Variants in OCIAD2 observed in about 807,000 individuals in gnomAD.
OCIAD2 encodes the protein OCIA domain containing 2, also known as OCIA domain-containing protein 2.
A neutral mutation model predicts 22.9 loss-of-function variants in OCIAD2; 29 were observed. That is an observed-to-expected ratio of 1.27 (90% CI 0.94 to 1.73). The LOEUF (loss-of-function observed/expected upper bound fraction) is 1.73, where lower values mean the gene tolerates loss of function less well. Among genes scored for constraint, OCIAD2 ranks in the 40% most tolerant of loss-of-function variants. The pLI is 0.00. For missense variants in OCIAD2, 189 were observed against 180.3 expected, an observed-to-expected ratio of 1.05 and a Z score of -0.28; for synonymous variants, 67 against 60.2, an observed-to-expected ratio of 1.11 and a Z score of -0.52.
At position 48,904,588 on chromosome 4, in the gene OCIAD2, T is replaced by G; in HGVS notation, c.-39A>C. ...TTGCTCTCCTTCCAGTTGTTTATCC[T>G]CTGCTTACTCCTTGACCCAGTGTCT... On this transcript the variant is annotated 5_prime_UTR_variant, in exon 2 of 7. Transcript: ENST00000508632. 8 of 1,575,160 alleles carry G rather than the reference T, an allele frequency of 5.1e-6. No homozygotes were observed. The highest frequency in any genetic ancestry group is 7.0e-6 in the Non-Finnish European group (8 of 1,144,810).
chr4:48,887,821 G>T (rs534875340), intron 6 of OCIAD2, among the ~76,000 whole-genome samples: 2 of 152,244 alleles, frequency 1.3e-5, no homozygotes, highest in Admixed American at 1.3e-4. Flanking sequence ...GGCAATGCGG[G>T]CTCTTTTTTG....
At chr4:48,902,508 G>A (rs1282480903) in intron 2 of OCIAD2, among the ~76,000 whole-genome samples, 2 of 152,212 alleles carry the variant, frequency 1.3e-5, no homozygotes, top group Non-Finnish European at 2.9e-5. Context: ...CACAGCAGCA[G>A]GAGAAGGAGT....
At position 48,899,762 on chromosome 4, in the gene OCIAD2, A is replaced by G; in HGVS notation, c.163+67T>C. 3 of 1,088,556 alleles carry G rather than the reference A, an allele frequency of 2.8e-6. No individual in the cohort carries two copies. In the South Asian group the frequency reaches 4.0e-5, roughly 15 times the overall value. The allele number at this position is 1,088,556 out of a possible 1,614,324, so 67.4% of individuals were successfully genotyped here. ...CAAAGTCTCTGCTCAAACGTAAGTC[A>G]TTACCACAATTCTAATATGATATTT... On this transcript the variant is annotated intron_variant, in intron 3 of 6. Transcript: ENST00000508632.
At chr4:48,893,983 G>A (rs778579717) in intron 5 of OCIAD2, 23 bp downstream of exon 5, 9 of 1,479,678 alleles carry the variant, frequency 6.1e-6, no homozygotes, top group South Asian at 2.9e-5. Context: ...CACTTGGCTT[G>A]CTTTTTTATT....
chr4:48,899,999 A>C, intron 2 of OCIAD2, 74 bp from the exon 3 acceptor site: 9 of 1,043,334 alleles, frequency 8.6e-6, no homozygotes, highest in Non-Finnish European at 1.3e-5. Context: ...ACAGAAGAGA[A>C]CAGGGAGGTC....
At chr4:48,904,659 T>C (rs1781490515) in intron 1 of OCIAD2, 48 bp from the exon 2 acceptor site, 11 of 1,035,736 alleles carry the variant, frequency 1.1e-5, no homozygotes, top group Admixed American at 1.8e-5. Context: ...AATGTTTGCA[T>C]CAAGCTTAAA....
rs1422837492 is a variant in OCIAD2, at chr4:48,901,093, C to CATT, written c.67-1171_67-1169dup. On this transcript the variant is annotated intron_variant, in intron 2 of 6. Coordinates refer to ENST00000508632, the MANE Select transcript of OCIAD2 (RefSeq NM_001014446.3). ...TTTCTATCCATTCTTGCAAAATGTT[C>CATT]ATTATTTTGGGTGAATGTATCTTTT... 2.0e-5 allele frequency among the ~76,000 whole-genome samples: 3 copies of CATT among 152,160 alleles called. No individual in the cohort carries two copies. In the East Asian group the frequency reaches 5.8e-4, roughly 29 times the overall value.
chr4:48,892,229 C>T (rs1242939267), intron 6 of OCIAD2, among the ~76,000 whole-genome samples: 1 of 152,186 alleles, frequency 6.6e-6, no homozygotes, highest in East Asian at 1.9e-4. Flanking sequence ...CTCATAAAAA[C>T]TATCTTGATC....
At chr4:48,886,969 T>C (rs985897465) in intron 6 of OCIAD2, among the ~76,000 whole-genome samples, 8 of 152,296 alleles carry the variant, frequency 5.3e-5, no homozygotes, top group African/African-American at 1.7e-4. Context: ...AGTGTAAAAG[T>C]GTTCCTATTT....
chr4:48,904,082 T>C (rs780514660), intron 2 of OCIAD2, among the ~76,000 whole-genome samples: 7 of 152,012 alleles, frequency 4.6e-5, no homozygotes, highest in Non-Finnish European at 1.0e-4. Context: ...CTGAAAAAAA[T>C]AAGATGACTG....
At chr4:48,906,165 C>G (rs953442284) in intron 1 of OCIAD2, among the ~76,000 whole-genome samples, 2 of 152,228 alleles carry the variant, frequency 1.3e-5, no homozygotes, top group African/African-American at 4.8e-5. Context: ...AGTCCTCAGT[C>G]TGCACCTAAA....
intron 2 of OCIAD2, among the ~76,000 whole-genome samples, chr4:48,900,376 C>T (rs1352561313): frequency 6.6e-6 from 1 of 152,204 alleles, no homozygotes. Context: ...GAGCATCACA[C>T]TCAGAGAACC....
At chr4:48,891,504 T>G (rs1474883484) in intron 6 of OCIAD2, among the ~76,000 whole-genome samples, 1 of 152,210 alleles carries the variant, frequency 6.6e-6, no homozygotes, top group Non-Finnish European at 1.5e-5. Flanking sequence ...TGGAAACTAG[T>G]TACTTCAGTC....
At chr4:48,893,802 C>T (rs929074357) in intron 5 of OCIAD2, 12 of 310,936 alleles carry the variant, frequency 3.9e-5, no homozygotes, top group Non-Finnish European at 5.8e-5. Flanking sequence ...ACATTCGTAT[C>T]TCCAGTTGCT....
chr4:48,886,897 A>T (rs999005636), intron 6 of OCIAD2, among the ~76,000 whole-genome samples: 3 of 152,174 alleles, frequency 2.0e-5, no homozygotes, highest in Non-Finnish European at 4.4e-5. Context: ...CTAGTTCTAG[A>T]TCCCGGAGGA....
chr4:48,888,208 G>T (rs1251108133), intron 6 of OCIAD2, among the ~76,000 whole-genome samples: 1 of 152,202 alleles, frequency 6.6e-6, no homozygotes, highest in Non-Finnish European at 1.5e-5. Flanking sequence ...CTTTGCTGAA[G>T]TTGCTTATCA....
Position 48,894,005 on chromosome 4 carries a change from C to G in OCIAD2, c.265+1G>C. The G allele has an allele frequency of 6.6e-7, 1 of 1,512,970 alleles. No homozygotes were observed. Among genetic ancestry groups the G allele is most frequent in the Non-Finnish European group, 8.9e-7 (1 of 1,124,154 alleles). The allele number at this position is 1,512,970 out of a possible 1,614,324, so 93.7% of individuals were successfully genotyped here. On this transcript the variant is annotated splice_donor_variant, in intron 5 of 6. Transcript: ENST00000508632. LOFTEE classifies it high-confidence loss of function. ...CTTGCTTTTTTATTTCTATGACTTA[C>G]GTGCAACTTTGGGCAATGATCCAAA...
chr4:48,885,833 G>T lies in OCIAD2; in HGVS notation c.384-268C>A, dbSNP rs1780970804. Among the ~76,000 whole-genome samples the T allele has an allele frequency of 3.3e-5, 5 of 152,064 alleles. No individual in the cohort carries two copies. The South Asian group carries it at 1.0e-3, about 31-fold the overall frequency. ...GTCTATGCTAAAGTTCACTAGCCTT[G>T]TTTTTTCAGAAATAATAGGAGTATT... On this transcript the variant is annotated intron_variant, in intron 6 of 6. Coordinates refer to ENST00000508632, the MANE Select transcript of OCIAD2 (RefSeq NM_001014446.3).
intron 4 of OCIAD2, among the ~76,000 whole-genome samples, chr4:48,896,961 G>A (rs932318587): frequency 6.6e-6 from 1 of 152,150 alleles, no homozygotes; most frequent in Non-Finnish European, 1.5e-5. Flanking sequence ...GCAGGGAGAG[G>A]TTATGTGGTG....
Sources: allele counts gnomAD v4.1 joint callset (sites outside exome capture counted in the v4.1 genomes callset), GRCh38; gene constraint gnomAD v4.1.1; transcripts MANE v1.5; gene names NCBI Gene and HGNC (gene_info 2026-07-23, HGNC 2026-07-21).